Variants in TTLL9 observed in about 807,000 individuals in gnomAD.
The protein encoded by TTLL9 is probable tubulin polyglutamylase TTLL9.
Under a neutral mutation model 65.6 loss-of-function variants are expected in TTLL9, and 47 were observed. The observed-to-expected ratio is 0.72, with a 90% CI of 0.57 to 0.91. The LOEUF is 0.91. TTLL9 is among the 40% of genes least tolerant of loss of function. TTLL9 has a pLI of 0.00. For missense variants in TTLL9, 537 were observed against 568.8 expected, an observed-to-expected ratio of 0.94 and a Z score of 0.57; for synonymous variants, 179 against 204.8, an observed-to-expected ratio of 0.87 and a Z score of 1.07.
At chr20:31,907,796 A>G (rs763745811) in intron 4 of TTLL9, among the ~76,000 whole-genome samples, 2 of 152,036 alleles carry the variant, frequency 1.3e-5, no homozygotes, top group Non-Finnish European at 2.9e-5. Flanking sequence ...CCTTCGCGGC[A>G]GAACAGAAGG....
chr20:31,881,856 A>G (rs2063122524), intron 2 of TTLL9, among the ~76,000 whole-genome samples: 1 of 152,202 alleles, frequency 6.6e-6, no homozygotes, highest in Admixed American at 6.5e-5. Context: ...AGAATGCACA[A>G]ACTCTTAGCA....
At chr20:31,913,761 G>A (rs768260041) in intron 6 of TTLL9, among the ~76,000 whole-genome samples, 2 of 152,194 alleles carry the variant, frequency 1.3e-5, no homozygotes, top group Non-Finnish European at 2.9e-5. Context: ...AGGCTCTTGG[G>A]TCTGGCATTT....
chr20:31,898,599 C>A, intron 4 of TTLL9, 34 bp downstream of exon 4: 1 of 1,588,426 alleles, frequency 6.3e-7, no homozygotes, highest in South Asian at 1.1e-5. Flanking sequence ...TCCCTCCTTC[C>A]CTTTGTCTCA....
chr20:31,887,147 A>G (rs1435004888), intron 2 of TTLL9, 49 bp from the exon 3 acceptor site: 12 of 1,593,084 alleles, frequency 7.5e-6, no homozygotes, highest in Non-Finnish European at 8.6e-6. Context: ...CTGGGAAAAC[A>G]GGGCAGATAT....
In TTLL9 at chr20:31,924,340, C is replaced by T. The variant is rs557684691; in HGVS notation, c.665-669C>T. 1.0e-3 allele frequency among the ~76,000 whole-genome samples: 158 copies of T among 152,294 alleles called. 1 individual carries two copies. Among genetic ancestry groups the T allele is most frequent in the Middle Eastern group, 0.01 (3 of 294 alleles). ...TGCATGGGACCTGACCTCTGCCAGC[C>T]TAACTGACCTCATCTCCTTCCACTC... On this transcript the variant is annotated intron_variant, in intron 8 of 14. Coordinates refer to ENST00000535842, the MANE Select transcript of TTLL9 (RefSeq NM_001008409.5).
intron 2 of TTLL9, among the ~76,000 whole-genome samples, chr20:31,873,764 GAAAGAGAAAGAAAGAAAGAAAAAGAAAGA>G (rs2062984679): frequency 2.1e-5 from 3 of 144,144 alleles, no homozygotes; most frequent in African/African-American, 7.9e-5. Flanking sequence ...AAGAAAGAAA[GAAAGAGAAAGAAAGAAAGAAAAAGAAAGA>G]AAGGAAGGAA....
intron 2 of TTLL9, among the ~76,000 whole-genome samples, chr20:31,885,862 A>T (rs1258289135): frequency 1.3e-5 from 2 of 152,156 alleles, no homozygotes; most frequent in Non-Finnish European, 1.5e-5. Flanking sequence ...AGAGGGGAGG[A>T]TTGGAAGTCA....
chr20:31,880,173 A>T (rs2063096297), intron 2 of TTLL9, among the ~76,000 whole-genome samples: 1 of 152,176 alleles, frequency 6.6e-6, no homozygotes. Context: ...GGAAGTTTAC[A>T]CAACAGTGGG....
chr20:31,907,944 T>C (rs752030918), intron 4 of TTLL9, among the ~76,000 whole-genome samples: 2 of 152,116 alleles, frequency 1.3e-5, no homozygotes, highest in Non-Finnish European at 2.9e-5. Context: ...GCACCCCAGC[T>C]CTGGCACCCA....
intron 5 of TTLL9, among the ~76,000 whole-genome samples, 170 bp downstream of exon 5, chr20:31,908,872 G>A (rs553413120): frequency 6.6e-6 from 1 of 152,272 alleles, no homozygotes; most frequent in African/African-American, 2.4e-5. Context: ...TCAGGGTATA[G>A]GGATCCAAGG....
chr20:31,891,137 C>T (rs192190150), intron 3 of TTLL9, among the ~76,000 whole-genome samples: 9 of 152,282 alleles, frequency 5.9e-5, no homozygotes, highest in African/African-American at 1.4e-4. Context: ...AAAAACCGCC[C>T]GGTGACCCTG....
At position 31,943,113 on chromosome 20, in the gene TTLL9, G is replaced by A. The variant is rs1343912034; in HGVS notation, c.*92G>A. ...CCCAGCACAGCACCTCACAGCATTC[G>A]CCTCCCCACCTCCAGCCTGGCACCA... On this transcript the variant is annotated 3_prime_UTR_variant, in exon 15 of 15. Transcript: ENST00000535842. The A allele has an allele frequency of 3.9e-5, 47 of 1,211,128 alleles. 2 individuals are homozygous for A. The South Asian group carries it at 4.0e-4, about 10-fold the overall frequency. The allele number at this position is 1,211,128 out of a possible 1,614,324, so 75.0% of individuals were successfully genotyped here. A position where few individuals can be genotyped will look rare whatever the true frequency, so the allele number is the denominator to read the frequency against.
intron 4 of TTLL9, among the ~76,000 whole-genome samples, chr20:31,899,680 G>A (rs57532134): frequency 0.061 from 9,175 of 151,318 alleles, 413 homozygotes; most frequent in African/African-American, 0.13. Context: ...CCCATCCCTT[G>A]AAGGACACAA....
At chr20:31,879,940 A>G in intron 2 of TTLL9, 1 of 1,366,936 alleles carries the variant, frequency 7.3e-7, no homozygotes, top group Non-Finnish European at 9.7e-7. Context: ...GTCCCTAGAA[A>G]AAGGGAGGAA....
intron 2 of TTLL9, among the ~76,000 whole-genome samples, chr20:31,881,802 C>T (rs2063121909): frequency 6.6e-6 from 1 of 152,080 alleles, no homozygotes. Flanking sequence ...TCCCTTGAAC[C>T]CGACTGATTC....
chr20:31,930,221 C>T lies in TTLL9; in HGVS notation c.749-3579C>T, dbSNP rs548709250. ...CAGTCCTGGGGACAATTGTTTTAAA[C>T]AGCCATTTCTGAAACGACTGGGCAT... On this transcript the variant is annotated intron_variant, in intron 10 of 14. Transcript: ENST00000535842. Among the ~76,000 whole-genome samples the T allele has an allele frequency of 6.6e-5, 10 of 152,236 alleles. No individual in the cohort carries two copies. The East Asian group carries it at 1.7e-3, about 26-fold the overall frequency.
rs143904970 is a variant in TTLL9, at chr20:31,938,028, CTCTT to C, written c.1118+523_1118+526del. ...ATGTTGGCTGGTCTATTCTCTCTCT[CTCTT>C]TCTCTCTCTCTGTTTCTCTCTCTCT... On this transcript the variant is annotated intron_variant, in intron 13 of 14. Coordinates refer to ENST00000535842, the MANE Select transcript of TTLL9 (RefSeq NM_001008409.5). 2.6e-3 allele frequency: 1,029 copies of C among 392,626 alleles called. 11 individuals carry two copies. The highest frequency in any genetic ancestry group is 0.02 in the African/African-American group (946 of 48,318). The allele number at this position is 392,626 out of a possible 1,614,324, so 24.3% of individuals were successfully genotyped here. A position where few individuals can be genotyped will look rare whatever the true frequency, so the allele number is the denominator to read the frequency against.
In TTLL9 at chr20:31,933,711, C is replaced by T. The variant is rs2064057469; in HGVS notation, c.749-89C>T. ...CGTGGAGCTATTTCGTAGCCTTCCCCATCAATTCTCAGTTCAGTCCTGGGG... is the reference window on the plus strand; with the variant it reads ...CGTGGAGCTATTTCGTAGCCTTCCCTATCAATTCTCAGTTCAGTCCTGGGG... On this transcript the variant is annotated intron_variant, in intron 10 of 14. Coordinates refer to ENST00000535842, the MANE Select transcript of TTLL9 (RefSeq NM_001008409.5). 6 of 1,249,670 alleles carry T rather than the reference C, an allele frequency of 4.8e-6. No homozygotes were observed. In the Admixed American group the frequency reaches 1.2e-4, roughly 26 times the overall value. 77.4% of individuals were successfully genotyped at this position (1,249,670 alleles called of 1,614,324 possible). A position where few individuals can be genotyped will look rare whatever the true frequency, so the allele number is the denominator to read the frequency against.
chr20:31,874,174 G>T (rs891364086), intron 2 of TTLL9, among the ~76,000 whole-genome samples: 2 of 152,174 alleles, frequency 1.3e-5, no homozygotes, highest in African/African-American at 4.8e-5. Context: ...AGCCCAATCT[G>T]TCTTAAATCA....
Sources: gnomAD v4.1 joint callset for allele counts (sites outside exome capture counted in the v4.1 genomes callset) on GRCh38, gnomAD v4.1.1 for gene constraint, MANE v1.5 for transcripts, NCBI Gene and HGNC (gene_info 2026-07-23, HGNC 2026-07-21) for gene names.